The following C4orf51 variants were observed in gnomAD, a reference collection of about 807,000 sequenced individuals.
C4orf51 encodes uncharacterized protein C4orf51.
C4orf51 carries 25 observed loss-of-function variants against 25.2 expected under a neutral mutation model. The ratio of observed to expected loss-of-function variants is 0.99; its 90% CI spans 0.72 to 1.39. The LOEUF (loss-of-function observed/expected upper bound fraction) is 1.39. Among genes scored for constraint, C4orf51 ranks in the 40% most tolerant of loss-of-function variants. The probability of loss-of-function intolerance (pLI) is 0.00; values close to 1 mark genes in which losing one functional copy is unlikely to be tolerated. For missense variants in C4orf51, 252 were observed against 239.6 expected (o/e 1.05, Z -0.34); for synonymous variants, 100 against 84.5 (o/e 1.18, Z -1.01).
At chr4:145,725,371 T>C (rs538062093) in intron 2 of C4orf51, among the ~76,000 whole-genome samples, 1 of 152,250 alleles carries the variant, frequency 6.6e-6, no homozygotes, top group East Asian at 1.9e-4. Flanking sequence ...TTGGAAAACA[T>C]CTTGGCAGTT....
intron 1 of C4orf51, among the ~76,000 whole-genome samples, chr4:145,694,699 G>A (rs1578937626): frequency 6.8e-6 from 1 of 147,482 alleles, no homozygotes; most frequent in Non-Finnish European, 1.5e-5. Flanking sequence ...GGTGAGGGGC[G>A]CCTCTGCCCG....
intron 2 of C4orf51, among the ~76,000 whole-genome samples, chr4:145,722,192 A>G (rs904918053): frequency 3.9e-5 from 6 of 152,224 alleles, no homozygotes; most frequent in Non-Finnish European, 8.8e-5. Context: ...AAAATGGCAC[A>G]ATCAATACCC....
At chr4:145,684,829 A>C (rs945726523) in intron 1 of C4orf51, among the ~76,000 whole-genome samples, 1 of 152,162 alleles carries the variant, frequency 6.6e-6, no homozygotes, top group Non-Finnish European at 1.5e-5. Flanking sequence ...GGCTGGCTTT[A>C]AATGGGATGG....
intron 1 of C4orf51, chr4:145,760,149 C>T (rs940401778): frequency 4.6e-5 from 7 of 152,192 alleles, no homozygotes; most frequent in African/African-American, 9.7e-5. Flanking sequence ...ATTCCTTCAT[C>T]GACTAAGCAC....
the C4orf51 span, among the ~76,000 whole-genome samples, chr4:145,778,024 A>G: frequency 6.6e-6 from 1 of 152,160 alleles, no homozygotes; most frequent in Non-Finnish European, 1.5e-5. Context: ...GAACATGTTA[A>G]AGTTTTCCTA....
intron 5 of C4orf51, among the ~76,000 whole-genome samples, chr4:145,731,564 CTTTTTTTTTTTTTTTTTTTT>C (rs398051305): frequency 2.3e-5 from 1 of 43,860 alleles, no homozygotes; most frequent in African/African-American, 1.0e-4. Flanking sequence ...CAAGGCAAAT[CTTTTTTTTTTTTTTTTTTTT>C]TTTTTTTTTT....
chr4:145,747,557 G>A (rs940178825), intron 1 of C4orf51, among the ~76,000 whole-genome samples: 5 of 151,944 alleles, frequency 3.3e-5, no homozygotes, highest in African/African-American at 1.2e-4. Flanking sequence ...ATCCCACTTG[G>A]TAATGATGAA....
chr4:145,753,799 T>C (rs1196957161), intron 1 of C4orf51, among the ~76,000 whole-genome samples: 2 of 152,148 alleles, frequency 1.3e-5, no homozygotes, highest in Non-Finnish European at 2.9e-5. Context: ...AAAGAGGCTA[T>C]GGTGGAAGGC....
At chr4:145,785,665 A>T in the C4orf51 span, among the ~76,000 whole-genome samples, 4 of 152,156 alleles carry the variant, frequency 2.6e-5, no homozygotes, top group Non-Finnish European at 5.9e-5. Flanking sequence ...TTTATATATA[A>T]GGGAACTGAG....
chr4:145,691,531 T>C (rs867841268), intron 1 of C4orf51, among the ~76,000 whole-genome samples: 2 of 152,158 alleles, frequency 1.3e-5, no homozygotes, highest in Non-Finnish European at 2.9e-5. Flanking sequence ...AGCAAAGACA[T>C]GGAATCAACT....
chr4:145,775,427 C>CT (rs879787507), downstream of C4orf51, among the ~76,000 whole-genome samples: 101 of 145,516 alleles, frequency 6.9e-4, no homozygotes, highest in East Asian at 2.8e-3. Context: ...ATTTCCTCAG[C>CT]TTTTTTTTTT....
chr4:145,787,924 C>T, the C4orf51 span, among the ~76,000 whole-genome samples: 1 of 152,128 alleles, frequency 6.6e-6, no homozygotes. Context: ...CCATCCTGCC[C>T]CAAACCCAAG....
intron 1 of C4orf51, among the ~76,000 whole-genome samples, chr4:145,766,753 G>A (rs934819448): frequency 2.6e-5 from 4 of 152,272 alleles, no homozygotes; most frequent in East Asian, 1.9e-4. Context: ...AACAGTGCCC[G>A]GCACTTAGAG....
At chr4:145,735,132 A>G (rs534973022), downstream of C4orf51, among the ~76,000 whole-genome samples, 11 of 152,264 alleles carry the variant, frequency 7.2e-5, no homozygotes, top group South Asian at 2.3e-3. Context: ...CAATGGCTTG[A>G]GAGTTCCAGG....
At chr4:145,692,854 T>A (rs1311763868) in intron 1 of C4orf51, among the ~76,000 whole-genome samples, 3 of 151,824 alleles carry the variant, frequency 2.0e-5, no homozygotes, top group Non-Finnish European at 2.9e-5. Flanking sequence ...GCTTAGAGTA[T>A]CATATTTGGA....
chr4:145,740,353 C>T lies in C4orf51; in HGVS notation n.167+7734C>T, dbSNP rs938171002. Among the ~76,000 whole-genome samples the T allele has an allele frequency of 3.4e-5, 5 of 148,732 alleles. No individual in the cohort carries two copies. The East Asian group carries it at 1.0e-3, about 30-fold the overall frequency. On this transcript the variant is annotated intron_variant and non_coding_transcript_variant, in intron 1 of 1. Coordinates refer to the C4orf51 transcript ENST00000508981. Reference sequence around the variant, plus strand: ...GAACTATGCATTTACTTTATAATTTCAAATGCTATATTTTCCATTTTTGGT... The same window carrying T: ...GAACTATGCATTTACTTTATAATTTTAAATGCTATATTTTCCATTTTTGGT...
At chr4:145,752,316 G>C (rs1000178899) in intron 1 of C4orf51, among the ~76,000 whole-genome samples, 3 of 152,148 alleles carry the variant, frequency 2.0e-5, no homozygotes, top group African/African-American at 7.2e-5. Context: ...GTACTATCTG[G>C]GTATCGCTGC....
chr4:145,680,260 T>G lies in C4orf51; in HGVS notation c.57T>G (p.Thr19=). Residue 19 remains threonine (T), a synonymous_variant, in exon 1 of 6, where the codon ACT becomes ACG. Transcript: ENST00000438731. ...PQILLPFSPL[T]SQEFDLIRRK... ...TTCTTCTGCCCTTTAGCCCTCTTAC[T>G]TCTCAAGAGTTTGATCTGATCAGAC... The G allele has an allele frequency of 1.3e-5, 21 of 1,614,020 alleles. No homozygotes were observed. The highest frequency in any genetic ancestry group is 2.2e-5 in the East Asian group (1 of 44,884).
the C4orf51 span, among the ~76,000 whole-genome samples, chr4:145,778,711 T>G: frequency 6.6e-6 from 1 of 152,242 alleles, no homozygotes. Flanking sequence ...TGAACTTTTC[T>G]TTATCATTTT....
Sources: gnomAD v4.1 joint callset for allele counts (sites outside exome capture counted in the v4.1 genomes callset) on GRCh38, gnomAD v4.1.1 for gene constraint, MANE v1.5 for transcripts, NCBI Gene and HGNC (gene_info 2026-07-23, HGNC 2026-07-21) for gene names.